Variants in RPL32 observed in about 807,000 individuals in gnomAD.
RPL32 encodes ribosomal protein L32.
For missense variants in RPL32, 117 were observed against 173.7 expected, an observed-to-expected ratio of 0.67 and a Z score of 1.83; for synonymous variants, 61 against 62.6, an observed-to-expected ratio of 0.98 and a Z score of 0.12.
At chr3:12,837,054 T>C (rs3773305) in intron 3 of RPL32, among the ~76,000 whole-genome samples, 76,556 of 152,112 alleles carry the variant, frequency 0.5, 20,487 homozygotes, top group Non-Finnish European at 0.6. Flanking sequence ...TTCAAAGCAA[T>C]TGTATTTTTA....
intron 3 of RPL32, among the ~76,000 whole-genome samples, chr3:12,838,351 A>T (rs2062115619): frequency 6.6e-6 from 1 of 152,218 alleles, no homozygotes; most frequent in Non-Finnish European, 1.5e-5. Flanking sequence ...GGTTGCAGTG[A>T]GCCGAAGTCA....
chr3:12,836,960 GAC>G (rs1164656723), intron 3 of RPL32, among the ~76,000 whole-genome samples: 2 of 152,198 alleles, frequency 1.3e-5, no homozygotes, highest in African/African-American at 4.8e-5. Context: ...TGAGGCAGTG[GAC>G]ACACAGCTCT....
chr3:12,840,271 G>T, intron 1 of RPL32, 29 bp from the exon 2 acceptor site: 1 of 1,514,352 alleles, frequency 6.6e-7, no homozygotes, highest in Non-Finnish European at 9.2e-7. Flanking sequence ...CCCCAGGTGA[G>T]GAAGAATCCT....
Position 12,835,906 on chromosome 3 carries a change from CCT to C in RPL32, c.*186_*187del, listed in dbSNP as rs1218759884. The C allele has an allele frequency of 4.1e-5, 27 of 652,184 alleles. No homozygotes were observed. Among genetic ancestry groups the C allele is most frequent in the Middle Eastern group, 4.3e-4 (1 of 2,342 alleles). The allele number at this position is 652,184 out of a possible 1,614,324, so 40.4% of individuals were successfully genotyped here. On this transcript the variant is annotated 3_prime_UTR_variant, in exon 4 of 4. Transcript: ENST00000429711. ...GTCTGTGCACTTGAGGCCACATTCCCCTGTTCAAGGACTGAGTGTCCTTTACA... is the reference window on the plus strand; with the variant it reads ...GTCTGTGCACTTGAGGCCACATTCCCGTTCAAGGACTGAGTGTCCTTTACA...
Position 12,839,546 on chromosome 3 carries a change from C to T in RPL32, c.97-16G>A, listed in dbSNP as rs375553510. The stretch of plus-strand genomic sequence containing the variant: ...GCCAGTTACGCTGAAGGAAATAATA[C>T]ACAGGTGGGTTAGCGTCTGTGCAGA... On this transcript the variant is annotated splice_polypyrimidine_tract_variant and intron_variant, in intron 2 of 3. Coordinates refer to ENST00000429711, the MANE Select transcript of RPL32 (RefSeq NM_000994.4). The T allele has an allele frequency of 3.2e-5, 51 of 1,613,692 alleles. No homozygotes were observed. The African/African-American group carries it at 6.1e-4, about 19-fold the overall frequency.
Position 12,840,254 on chromosome 3 carries a change from G to A in RPL32, c.-5-12C>T, listed in dbSNP as rs374121670. The A allele has an allele frequency of 1.3e-6, 2 of 1,596,526 alleles. No individual in the cohort carries two copies. The highest frequency in any genetic ancestry group is 1.3e-5 in the African/African-American group (1 of 74,600). On this transcript the variant is annotated splice_polypyrimidine_tract_variant and intron_variant, in intron 1 of 3. Coordinates refer to ENST00000429711, the MANE Select transcript of RPL32 (RefSeq NM_000994.4). Reference sequence around the variant, plus strand: ...GGCGGCCATGATGCCTTTTGGGGAAGAAGCGGCCCCAGGTGAGGAAGAATC... The same window carrying A: ...GGCGGCCATGATGCCTTTTGGGGAAAAAGCGGCCCCAGGTGAGGAAGAATC...
At position 12,834,549 on chromosome 3, in the gene RPL32, G is replaced by A. The variant is rs1011194264; in HGVS notation, c.*1545C>T. ...ATACGGGTTTCTTTTTTCCAGGGAGGAGGAATGGGTTGGGTAGGGAACTGG... is the reference window on the plus strand; with the variant it reads ...ATACGGGTTTCTTTTTTCCAGGGAGAAGGAATGGGTTGGGTAGGGAACTGG... On this transcript the variant is annotated 3_prime_UTR_variant, in exon 4 of 4. Coordinates refer to ENST00000429711, the MANE Select transcript of RPL32 (RefSeq NM_000994.4). 2.6e-5 allele frequency: 4 copies of A among 154,816 alleles called. No homozygotes were observed. Among genetic ancestry groups the A allele is most frequent in the African/African-American group, 9.6e-5 (4 of 41,456 alleles). 9.6% of individuals were successfully genotyped at this position (154,816 alleles called of 1,614,324 possible).
At position 12,835,829 on chromosome 3, in the gene RPL32, G is replaced by A. The variant is rs935391821; in HGVS notation, c.*265C>T. On this transcript the variant is annotated 3_prime_UTR_variant, in exon 4 of 4. Coordinates refer to ENST00000429711, the MANE Select transcript of RPL32 (RefSeq NM_000994.4). Reference sequence around the variant, plus strand: ...TGTCTCAGAACCTACCTGGTGTGAGGGCCAAGTCTGTACCCCTCATACCCA... The same window carrying A: ...TGTCTCAGAACCTACCTGGTGTGAGAGCCAAGTCTGTACCCCTCATACCCA... 3 of 415,458 alleles carry A rather than the reference G, an allele frequency of 7.2e-6. No individual in the cohort carries two copies. The highest frequency in any genetic ancestry group is 1.3e-5 in the Non-Finnish European group (3 of 227,944). 25.7% of individuals were successfully genotyped at this position (415,458 alleles called of 1,614,324 possible). A position where few individuals can be genotyped will look rare whatever the true frequency, so the allele number is the denominator to read the frequency against.
chr3:12,839,614 G>A, intron 2 of RPL32, 84 bp from the exon 3 acceptor site: 1 of 1,324,356 alleles, frequency 7.6e-7, no homozygotes, highest in Non-Finnish European at 1.1e-6. Flanking sequence ...AGGACCAAAT[G>A]AAAAGGAAGT....
chr3:12,839,044 C>A, intron 3 of RPL32: 1 of 435,940 alleles, frequency 2.3e-6, no homozygotes, highest in Non-Finnish European at 4.1e-6. Flanking sequence ...ATTTTGGAAA[C>A]AACAGCCAAA....
chr3:12,836,548 A>G (rs931578218), intron 3 of RPL32, among the ~76,000 whole-genome samples: 1 of 152,306 alleles, frequency 6.6e-6, no homozygotes, highest in African/African-American at 2.4e-5. Flanking sequence ...CCCACACTCC[A>G]GGTTCAAAGG....
rs2062097244 is a variant in RPL32 at position 12,836,058 on chromosome 3, A to C, written c.*36T>G. ...AGGAAGATGCCAGATGGCAGTTTTT[A>C]CATTTATTTAAACAGAAAACGTGCA... On this transcript the variant is annotated 3_prime_UTR_variant, in exon 4 of 4. Coordinates refer to ENST00000429711, the MANE Select transcript of RPL32 (RefSeq NM_000994.4). The C allele has an allele frequency of 6.2e-7, 1 of 1,603,892 alleles. No individual in the cohort carries two copies. The highest frequency in any genetic ancestry group is 1.3e-5 in the African/African-American group (1 of 74,702).
In RPL32 at chr3:12,836,211, G is replaced by A. The variant is rs768554641; in HGVS notation, c.291C>T (p.Ala97=). The A allele has an allele frequency of 3.8e-5, 61 of 1,599,790 alleles. No individual in the cohort carries two copies. Among genetic ancestry groups the A allele is most frequent in the Non-Finnish European group, 5.0e-5 (59 of 1,179,770 alleles). ...VLLMCNKSYC[A]EIAHNVSSKN... ...TGGAGGAAACATTGTGAGCGATCTC[G>A]GCACAGTAAGATCTGCAAGAGAATC... is the stretch of plus-strand genomic sequence containing the variant. Residue 97 remains alanine (A), a synonymous_variant, in exon 4 of 4, where the codon GCC becomes GCT. Coordinates refer to ENST00000429711, the MANE Select transcript of RPL32 (RefSeq NM_000994.4).
intron 2 of RPL32, 27 bp from the exon 3 acceptor site, chr3:12,839,557 T>G (rs2062128225): frequency 6.2e-7 from 1 of 1,610,870 alleles, no homozygotes; most frequent in African/African-American, 1.3e-5. Context: ...ACAGGTGGGT[T>G]AGCGTCTGTG....
chr3:12,840,159 G>C lies in RPL32; in HGVS notation c.79C>G (p.Arg27Gly). The change falls in exon 2 of 4, where the codon CGA becomes GGA. Residue 27 changes from arginine to glycine, a missense_variant. Transcript: ENST00000429711. Reference protein sequence around the residue: ...TKKFIRHQSDRYVKIKRNWRK... With the variant: ...TKKFIRHQSDGYVKIKRNWRK... ...CCACATACCTTAATTTTGACATATC[G>C]GTCTGACTGGTGCCGGATGAACTTC... 1 of 1,613,636 alleles carries C rather than the reference G, an allele frequency of 6.2e-7. No homozygotes were observed. The highest frequency in any genetic ancestry group is 8.5e-7 in the Non-Finnish European group (1 of 1,179,644).
Position 12,837,847 on chromosome 3 carries a change from G to T in RPL32, c.278+1502C>A, listed in dbSNP as rs190034401. Among the ~76,000 whole-genome samples, 1,043 of 152,332 alleles carry T rather than the reference G, an allele frequency of 6.8e-3. 13 individuals are homozygous for T. Among genetic ancestry groups the T allele is most frequent in the African/African-American group, 0.024 (1,016 of 41,574 alleles). On this transcript the variant is annotated intron_variant, in intron 3 of 3. Coordinates refer to ENST00000429711, the MANE Select transcript of RPL32 (RefSeq NM_000994.4). ...AAGAAAATAAACTGTCACTTCCCAT[G>T]AGAATTTTTCATTCCACTGCCCTAG... is the stretch of plus-strand genomic sequence containing the variant.
Position 12,835,645 on chromosome 3 carries a change from G to A in RPL32, c.*449C>T, listed in dbSNP as rs968139805. ...GACAGAAGTTACAGGATGCAATTTAGGCATCCCGTAAGAATCTGTGTAAGA... is the reference window on the plus strand; with the variant it reads ...GACAGAAGTTACAGGATGCAATTTAAGCATCCCGTAAGAATCTGTGTAAGA... On this transcript the variant is annotated 3_prime_UTR_variant, in exon 4 of 4. Transcript: ENST00000429711. 6.2e-6 allele frequency: 1 copy of A among 161,784 alleles called. No individual in the cohort carries two copies. The highest frequency in any genetic ancestry group is 2.4e-5 in the African/African-American group (1 of 41,532). 10.0% of individuals were successfully genotyped at this position (161,784 alleles called of 1,614,324 possible).
Position 12,836,032 on chromosome 3 carries a change from A to G in RPL32, c.*62T>C. 6.3e-7 allele frequency: 1 copy of G among 1,589,124 alleles called. No homozygotes were observed. Among genetic ancestry groups the G allele is most frequent in the East Asian group, 2.2e-5 (1 of 44,694 alleles). On this transcript the variant is annotated 3_prime_UTR_variant, in exon 4 of 4. Transcript: ENST00000429711. ...AGAAGCTGAAGACTTAAAATCAAGG[A>G]AGGAAGATGCCAGATGGCAGTTTTT... is the stretch of plus-strand genomic sequence containing the variant.
At position 12,839,383 on chromosome 3, in the gene RPL32, C is replaced by T. The variant is rs1220486752; in HGVS notation, c.244G>A (p.Val82Ile). The change falls in exon 3 of 4, where the codon GTC (valine) becomes ATC (isoleucine). Residue 82 changes from valine (V) to isoleucine (I), a missense_variant. Transcript: ENST00000429711. ...ATCAGCAGCACTTCCAGCTCCTTGA[C>T]GTTGTGGACCAGGAACTTCCGGAAG... ...SGFRKFLVHN[V>I]KELEVLLMCN... 7.4e-6 allele frequency: 12 copies of T among 1,613,992 alleles called. No individual in the cohort carries two copies. Among genetic ancestry groups the T allele is most frequent in the Admixed American group, 5.0e-5 (3 of 60,008 alleles).
Sources: gnomAD v4.1 joint callset for allele counts (sites outside exome capture counted in the v4.1 genomes callset) on GRCh38, gnomAD v4.1.1 for gene constraint, MANE v1.5 for transcripts, NCBI Gene and HGNC (gene_info 2026-07-23, HGNC 2026-07-21) for gene names.